Variants in TNFAIP3 observed in about 807,000 individuals in gnomAD.
TNFAIP3 encodes the protein tumor necrosis factor alpha-induced protein 3.
In TNFAIP3, 9 loss-of-function variants were observed where a neutral mutation model predicts 72.4. That is an observed-to-expected ratio of 0.12 (90% CI 0.07 to 0.22). The LOEUF (loss-of-function observed/expected upper bound fraction) is 0.22. Ranked by LOEUF, TNFAIP3 falls within the 10% of genes least tolerant of loss-of-function variation. The probability of loss-of-function intolerance (pLI) is 1.00; values close to 1 mark genes in which losing one functional copy is unlikely to be tolerated. For synonymous variants in TNFAIP3, 339 were observed against 372.6 expected (o/e 0.91, Z 1.04); for missense variants, 833 against 1,018.7 (o/e 0.82, Z 2.48).
At chr6:137,875,143 A>C in intron 3 of TNFAIP3, 108 bp downstream of exon 3, 2 of 1,340,006 alleles carry the variant, frequency 1.5e-6, no homozygotes, top group Non-Finnish European at 2.1e-6. Context: ...AGGTCACATG[A>C]ATTTGGCTAA....
chr6:137,876,478 C>T (rs1227170805), intron 5 of TNFAIP3, among the ~76,000 whole-genome samples: 1 of 152,166 alleles, frequency 6.6e-6, no homozygotes, highest in African/African-American at 2.4e-5. Context: ...CAGGGTTTCC[C>T]TCCATTGTCC....
rs779395556 is a variant in TNFAIP3, at chr6:137,871,320, A to G, written c.93A>G (p.Lys31=). 6.2e-7 allele frequency: 1 copy of G among 1,614,098 alleles called. No homozygotes were observed. Among genetic ancestry groups the G allele is most frequent in the Non-Finnish European group, 8.5e-7 (1 of 1,180,014 alleles). Residue 31 remains lysine, a synonymous_variant, in exon 2 of 9, where the codon AAA becomes AAG. Coordinates refer to ENST00000612899, the MANE Select transcript of TNFAIP3 (RefSeq NM_001270508.2). This position sits in a 1 kb window ranked among gnomAD's most constrained non-coding sequence, Gnocchi z 4.2. Reference sequence around the variant, plus strand: ...AGAGAACTCCAGAAGACATTTTTAAACCTACTAATGGGATCATTCATCATT... The same window carrying G: ...AGAGAACTCCAGAAGACATTTTTAAGCCTACTAATGGGATCATTCATCATT... ...IRERTPEDIF[K]PTNGIIHHFK...
In TNFAIP3 at chr6:137,878,605, G is replaced by A; in HGVS notation, c.1160G>A (p.Cys387Tyr). 1 of 1,614,254 alleles carries A rather than the reference G, an allele frequency of 6.2e-7. No individual in the cohort carries two copies. Among genetic ancestry groups the A allele is most frequent in the Non-Finnish European group, 8.5e-7 (1 of 1,180,048 alleles). ...CAGCTTTCTCTCATGGATGTAAAAT[G>A]TGAAACGCCCAACTGCCCCTTCTTC... ...VPQLSLMDVK[C>Y]ETPNCPFFMS... The change falls in exon 7 of 9, where the codon TGT becomes TAT. Residue 387 changes from cysteine to tyrosine, a missense_variant. Coordinates refer to ENST00000612899, the MANE Select transcript of TNFAIP3 (RefSeq NM_001270508.2).
chr6:137,878,989 A>C lies in TNFAIP3; in HGVS notation c.1544A>C (p.His515Pro). 6.2e-7 allele frequency: 1 copy of C among 1,614,208 alleles called. No homozygotes were observed. The highest frequency in any genetic ancestry group is 8.5e-7 in the Non-Finnish European group (1 of 1,180,030). Residue 515 changes from histidine (H) to proline (P), a missense_variant, in exon 7 of 9, where the codon CAC becomes CCC. By Grantham distance (77) the His-to-Pro change is moderately conservative. Transcript: ENST00000612899. ...AGCCACGCCCCAGACCACACAAGGCACTTGGATCCCGGGAAGTGCCAAGCC... is the reference window on the plus strand; with the variant it reads ...AGCCACGCCCCAGACCACACAAGGCCCTTGGATCCCGGGAAGTGCCAAGCC... The part of the protein sequence containing the change: ...HASHAPDHTR[H>P]LDPGKCQACL...
intron 1 of TNFAIP3, among the ~76,000 whole-genome samples, chr6:137,869,453 GT>G (rs1333951728): frequency 6.6e-6 from 1 of 152,124 alleles, no homozygotes; most frequent in Non-Finnish European, 1.5e-5. Context: ...AGGTATATGT[GT>G]TATTTTTATC....
intron 2 of TNFAIP3, 129 bp from the exon 3 acceptor site, chr6:137,874,715 GA>G (rs1170784138): frequency 9.5e-6 from 8 of 838,166 alleles, no homozygotes; most frequent in Non-Finnish European, 1.2e-5. Flanking sequence ...CCTTGACTAG[GA>G]AATTACATCA....
chr6:137,866,827 T>C (rs568037848), upstream of TNFAIP3: 1 of 152,470 alleles, frequency 6.6e-6, no homozygotes, highest in African/African-American at 2.4e-5. Flanking sequence ...TAGGGTTTTC[T>C]TTCTTTCTTA....
In TNFAIP3 at chr6:137,878,945, C is replaced by T. The variant is rs753953828; in HGVS notation, c.1500C>T (p.Asn500=). 28 of 1,614,076 alleles carry T rather than the reference C, an allele frequency of 1.7e-5. No individual in the cohort carries two copies. Among genetic ancestry groups the T allele is most frequent in the Middle Eastern group, 1.6e-4 (1 of 6,084 alleles). The part of the protein sequence containing the change: ...QHNGFCERCH[N]ARQLHASHAP... ...ACGGATTTTGTGAACGTTGCCACAACGCCCGGCAACTTCACGCCAGCCACG... is the reference window on the plus strand; with the variant it reads ...ACGGATTTTGTGAACGTTGCCACAATGCCCGGCAACTTCACGCCAGCCACG... Residue 500 remains asparagine, a synonymous_variant, in exon 7 of 9, where the codon AAC becomes AAT. Transcript: ENST00000612899.
chr6:137,871,488 A>T lies in TNFAIP3; in HGVS notation c.261A>T (p.Arg87=), dbSNP rs1776061714. Residue 87 remains arginine, a synonymous_variant, in exon 2 of 9, where the codon CGA becomes CGT. Transcript: ENST00000612899. The surrounding 1 kb of genome is among the most constrained non-coding windows in gnomAD (Gnocchi z 4.2). ...GCCAGAAGAAACTCAACTGGTGTCG[A>T]GAAGTCCGGAAGCTTGTGGCGCTGA... ...LESQKKLNWC[R]EVRKLVALKT... The T allele has an allele frequency of 2.5e-6, 4 of 1,614,072 alleles. No individual in the cohort carries two copies. The highest frequency in any genetic ancestry group is 1.6e-4 in the Middle Eastern group (1 of 6,084).
chr6:137,872,932 C>T (rs778142042), intron 2 of TNFAIP3, among the ~76,000 whole-genome samples: 4 of 151,700 alleles, frequency 2.6e-5, no homozygotes, highest in Non-Finnish European at 4.4e-5. Context: ...TGACTTTTAG[C>T]TTTATTTCCT....
Position 137,878,345 on chromosome 6 carries a change from T to C in TNFAIP3, c.987-87T>C, listed in dbSNP as rs529307456. The C allele has an allele frequency of 9.6e-6, 12 of 1,247,686 alleles. No individual in the cohort carries two copies. The African/African-American group carries it at 1.7e-4, about 17-fold the overall frequency. The allele number at this position is 1,247,686 out of a possible 1,614,324, so 77.3% of individuals were successfully genotyped here. ...ACAATTCTTGCCATAATCCACATTC[T>C]AAAACTTTGTTCTATGAGCTAATGA... is the stretch of plus-strand genomic sequence containing the variant. On this transcript the variant is annotated intron_variant, in intron 6 of 8. Transcript: ENST00000612899.
Position 137,881,527 on chromosome 6 carries a change from T to G in TNFAIP3, c.*208T>G. ...CCCAGGTGGCCTTAGAAAGCAAAGC[T>G]TGTAACTGGCAAGGGATGATGTCAG... is the stretch of plus-strand genomic sequence containing the variant. On this transcript the variant is annotated 3_prime_UTR_variant, in exon 9 of 9. Transcript: ENST00000612899. The surrounding 1 kb of genome is among the most constrained non-coding windows in gnomAD (Gnocchi z 5.0). 2.1e-6 allele frequency: 1 copy of G among 473,128 alleles called. No homozygotes were observed. The allele number at this position is 473,128 out of a possible 1,614,324, so 29.3% of individuals were successfully genotyped here. A position where few individuals can be genotyped will look rare whatever the true frequency, so the allele number is the denominator to read the frequency against.
At chr6:137,873,724 T>C (rs2114471825) in intron 2 of TNFAIP3, among the ~76,000 whole-genome samples, 1 of 152,336 alleles carries the variant, frequency 6.6e-6, no homozygotes, top group East Asian at 1.9e-4. Context: ...ACACAAGGCT[T>C]GGGCGATCTT....
chr6:137,879,450 G>C, intron 7 of TNFAIP3, 99 bp downstream of exon 7: 3 of 1,361,894 alleles, frequency 2.2e-6, no homozygotes, highest in Non-Finnish European at 3.0e-6. Flanking sequence ...CAGTCAGGCA[G>C]AACTGTCAGG....
In TNFAIP3 at chr6:137,881,142, C is replaced by T; in HGVS notation, c.2196C>T (p.Leu732=). ...KNILACRSEE[L]CMECQHPNQR... is the part of the protein sequence containing the mutation. ...TCCTGGCCTGCCGCAGCGAGGAGCT[C>T]TGCATGGAGTGTCAGCATCCCAACC... Residue 732 remains leucine, a synonymous_variant, in exon 9 of 9, where the codon CTC becomes CTT. Coordinates refer to ENST00000612899, the MANE Select transcript of TNFAIP3 (RefSeq NM_001270508.2). This position sits in a 1 kb window ranked among gnomAD's most constrained non-coding sequence, Gnocchi z 5.0. The T allele has an allele frequency of 6.2e-7, 1 of 1,614,006 alleles. No individual in the cohort carries two copies. Among genetic ancestry groups the T allele is most frequent in the South Asian group, 1.1e-5 (1 of 91,080 alleles).
chr6:137,879,581 A>G (rs1345411063), intron 7 of TNFAIP3, among the ~76,000 whole-genome samples: 1 of 152,272 alleles, frequency 6.6e-6, no homozygotes, highest in African/African-American at 2.4e-5. Flanking sequence ...TCCAAAAACC[A>G]GAGTGCCCTG....
upstream of TNFAIP3, chr6:137,866,713 C>T (rs979200552): frequency 6.6e-6 from 1 of 152,484 alleles, no homozygotes; most frequent in Non-Finnish European, 1.5e-5. Context: ...GAAATGCCCG[C>T]CCGGGTCCTG....
chr6:137,879,674 T>C lies in TNFAIP3; in HGVS notation c.1906+323T>C, dbSNP rs536385055. On this transcript the variant is annotated intron_variant, in intron 7 of 8. Transcript: ENST00000612899. ...AGAGTCTAAGTTTAAACTAGACTTATTTTGCAACTTAGATATAACAGAACA... is the reference window on the plus strand; with the variant it reads ...AGAGTCTAAGTTTAAACTAGACTTACTTTGCAACTTAGATATAACAGAACA... Among the ~76,000 whole-genome samples the C allele has an allele frequency of 7.2e-5, 11 of 152,350 alleles. No homozygotes were observed. The South Asian group carries it at 2.3e-3, about 32-fold the overall frequency.
Position 137,881,056 on chromosome 6 carries a change from G to C in TNFAIP3, c.2110G>C (p.Val704Leu). 1 of 1,610,808 alleles carries C rather than the reference G, an allele frequency of 6.2e-7. No individual in the cohort carries two copies. The highest frequency in any genetic ancestry group is 1.1e-5 in the South Asian group (1 of 90,840). ...TCAGAGATCGAGCCAGCGCAGAGATGTGCCTCGAACCACACAAAGCACCTC... is the reference window on the plus strand; with the variant it reads ...TCAGAGATCGAGCCAGCGCAGAGATCTGCCTCGAACCACACAAAGCACCTC... Reference protein sequence around the residue: ...EQLRSSQRRDVPRTTQSTSRP... With the variant: ...EQLRSSQRRDLPRTTQSTSRP... The change falls in exon 9 of 9, where the codon GTG becomes CTG. Residue 704 changes from valine (V) to leucine (L), a missense_variant. By Grantham distance (32) the Val-to-Leu change is conservative. Around this residue, in one of 2 missense-constraint regions of TNFAIP3, gnomAD observed 587 missense variants for 657.8 expected, o/e 0.89. Transcript: ENST00000612899. The surrounding 1 kb of genome is among the most constrained non-coding windows in gnomAD (Gnocchi z 5.0).
Sources: allele counts gnomAD v4.1 joint callset (sites outside exome capture counted in the v4.1 genomes callset), GRCh38; gene constraint gnomAD v4.1.1; regional missense constraint gnomAD v4.1.1; non-coding constraint Gnocchi (gnomAD v3.1); transcripts MANE v1.5; gene names NCBI Gene and HGNC (gene_info 2026-07-23, HGNC 2026-07-21).